The following JADE2 variants were observed in gnomAD, a reference collection of about 807,000 sequenced individuals.
The protein encoded by JADE2 is jade family PHD finger 2.
In JADE2, 13 loss-of-function variants were observed where a neutral mutation model predicts 85.7. That is an observed-to-expected ratio of 0.15 (90% CI 0.10 to 0.24). JADE2 has a LOEUF of 0.24. JADE2 is among the 10% of genes least tolerant of loss of function. JADE2 has a pLI of 1.00. For missense variants in JADE2, 846 were observed against 1,115.9 expected, an observed-to-expected ratio of 0.76 and a Z score of 3.45; for synonymous variants, 440 against 456.1, an observed-to-expected ratio of 0.96 and a Z score of 0.45.
chr5:134,548,170 T>G (rs1581424624), intron 3 of JADE2, among the ~76,000 whole-genome samples: 2 of 152,214 alleles, frequency 1.3e-5, no homozygotes, highest in African/African-American at 2.4e-5. Flanking sequence ...GGAGAGCGAC[T>G]GGAGGCCTCG....
intron 2 of JADE2, among the ~76,000 whole-genome samples, chr5:134,537,524 G>A (rs1761669897): frequency 6.6e-6 from 1 of 152,210 alleles, no homozygotes; most frequent in South Asian, 2.1e-4. Flanking sequence ...CTAGTAAGTG[G>A]CTGGGTCAGG....
At chr5:134,558,442 A>G (rs1763115212) in intron 4 of JADE2, among the ~76,000 whole-genome samples, 1 of 150,728 alleles carries the variant, frequency 6.6e-6, no homozygotes, top group South Asian at 2.1e-4. Flanking sequence ...TGTTTTGGAC[A>G]TGAAGTCCTT....
At chr5:134,536,974 T>G (rs2149878039) in intron 2 of JADE2, among the ~76,000 whole-genome samples, 1 of 152,332 alleles carries the variant, frequency 6.6e-6, no homozygotes, top group Non-Finnish European at 1.5e-5. Flanking sequence ...AAGTCTCATT[T>G]GTTGTCCTTT....
At chr5:134,526,109 T>C (rs1026994091) in intron 1 of JADE2, 98 bp downstream of exon 1, 1 of 984,808 alleles carries the variant, frequency 1.0e-6, no homozygotes. Context: ...TCCCTCGCTC[T>C]CTCTTGCTCG....
chr5:134,525,205 C>A (rs1259945696), upstream of JADE2, among the ~76,000 whole-genome samples: 1 of 145,168 alleles, frequency 6.9e-6, no homozygotes, highest in Non-Finnish European at 1.5e-5. Flanking sequence ...CCGCCCGGGT[C>A]TGGGGCGCGT....
At chr5:134,532,744 C>T (rs2149861700) in intron 1 of JADE2, among the ~76,000 whole-genome samples, 1 of 152,220 alleles carries the variant, frequency 6.6e-6, no homozygotes, top group African/African-American at 2.4e-5. Flanking sequence ...GGAAAGGAGT[C>T]CTCCCTGTCC....
intron 4 of JADE2, among the ~76,000 whole-genome samples, chr5:134,556,636 T>A (rs1581442046): frequency 5.7e-5 from 3 of 52,710 alleles, no homozygotes; most frequent in Non-Finnish European, 1.1e-4. Flanking sequence ...CACACACACC[T>A]CACACATCAC....
chr5:134,524,067 G>A (rs1455856876), upstream of JADE2, among the ~76,000 whole-genome samples: 1 of 152,212 alleles, frequency 6.6e-6, no homozygotes, highest in African/African-American at 2.4e-5. Context: ...TGGATAATCT[G>A]AGGGGCAGCC....
chr5:134,542,870 C>G (rs1483549377), intron 3 of JADE2, among the ~76,000 whole-genome samples: 4 of 151,534 alleles, frequency 2.6e-5, no homozygotes, highest in African/African-American at 9.7e-5. Flanking sequence ...ATAGCTGGGA[C>G]TACCGGCACT....
intron 9 of JADE2, among the ~76,000 whole-genome samples, chr5:134,573,382 C>CT (rs1764157711): frequency 6.6e-6 from 1 of 152,182 alleles, no homozygotes; most frequent in Non-Finnish European, 1.5e-5. Flanking sequence ...TAACCAGATG[C>CT]TTTTCCCTGG....
At chr5:134,524,342 A>G (rs1349526074), upstream of JADE2, 1 of 152,500 alleles carries the variant, frequency 6.6e-6, no homozygotes, top group Non-Finnish European at 1.5e-5. Flanking sequence ...ACCGCCGGCT[A>G]GCAGCCCGAC....
intron 9 of JADE2, among the ~76,000 whole-genome samples, chr5:134,567,772 AG>A (rs1394286618): frequency 6.6e-6 from 1 of 152,182 alleles, no homozygotes; most frequent in Non-Finnish European, 1.5e-5. Flanking sequence ...CCTGCTCAAG[AG>A]GGAAATGACC....
chr5:134,574,141 C>A (rs770960224), intron 10 of JADE2: 18 of 328,028 alleles, frequency 5.5e-5, no homozygotes, highest in Admixed American at 2.8e-4. Context: ...TTCCCTGAAC[C>A]CTGGTGTGCC....
chr5:134,555,451 C>T (rs1762856548), intron 4 of JADE2, among the ~76,000 whole-genome samples: 1 of 152,232 alleles, frequency 6.6e-6, no homozygotes, highest in South Asian at 2.1e-4. Context: ...TCAGTCCATG[C>T]CTGGTAGGAG....
rs868153048 is a variant in JADE2, at chr5:134,569,279, C to T, written c.1434+2699C>T. On this transcript the variant is annotated intron_variant, in intron 9 of 11. Coordinates refer to ENST00000681547, the MANE Select transcript of JADE2 (RefSeq NM_001388185.1). ...CCACAGAGGACCAAAAGGGCAGGCCCAGTGCTAGGGCCTGGGAACCCAGCA... is the reference window on the plus strand; with the variant it reads ...CCACAGAGGACCAAAAGGGCAGGCCTAGTGCTAGGGCCTGGGAACCCAGCA... 3.0e-4 allele frequency among the ~76,000 whole-genome samples: 45 copies of T among 152,306 alleles called. No individual in the cohort carries two copies. In the Middle Eastern group the frequency reaches 0.01, roughly 35 times the overall value.
intron 3 of JADE2, 50 bp downstream of exon 3, chr5:134,538,133 G>T: frequency 7.0e-7 from 1 of 1,424,646 alleles, no homozygotes; most frequent in Non-Finnish European, 9.9e-7. Context: ...AGAGTGAGCT[G>T]CCCTGCGGAG....
intron 4 of JADE2, among the ~76,000 whole-genome samples, chr5:134,556,836 A>G (rs1762969532): frequency 1.4e-5 from 2 of 143,772 alleles, no homozygotes; most frequent in Non-Finnish European, 1.5e-5. Context: ...ACACACACAC[A>G]TCACACAGCA....
At chr5:134,534,363 C>T (rs569512476) in intron 1 of JADE2, among the ~76,000 whole-genome samples, 2 of 152,170 alleles carry the variant, frequency 1.3e-5, no homozygotes, top group African/African-American at 4.8e-5. Context: ...GCTGCTTGCA[C>T]CACCAGTGTC....
rs1764593675 is a variant in JADE2, at chr5:134,579,456, A to G, written c.*139A>G. 3 of 656,266 alleles carry G rather than the reference A, an allele frequency of 4.6e-6. No individual in the cohort carries two copies. Among genetic ancestry groups the G allele is most frequent in the East Asian group, 5.5e-5 (2 of 36,528 alleles). 40.7% of individuals were successfully genotyped at this position (656,266 alleles called of 1,614,324 possible). A position where few individuals can be genotyped will look rare whatever the true frequency, so the allele number is the denominator to read the frequency against. On this transcript the variant is annotated 3_prime_UTR_variant, in exon 12 of 12. Transcript: ENST00000681547. The surrounding 1 kb of genome is among the most constrained non-coding windows in gnomAD (Gnocchi z 4.6). Reference sequence around the variant, plus strand: ...TCCGTCGTGGTTTTATTTTTAATATAGAGAGAGTTTTGAATTCTACACTGT... The same window carrying G: ...TCCGTCGTGGTTTTATTTTTAATATGGAGAGAGTTTTGAATTCTACACTGT...
Sources: gnomAD v4.1 joint callset for allele counts (sites outside exome capture counted in the v4.1 genomes callset) on GRCh38, gnomAD v4.1.1 for gene constraint, Gnocchi (gnomAD v3.1) non-coding constraint, MANE v1.5 for transcripts, NCBI Gene and HGNC (gene_info 2026-07-23, HGNC 2026-07-21) for gene names.